The following CORO2A variants were observed in gnomAD, a reference collection of about 807,000 sequenced individuals.
CORO2A encodes the protein coronin 2A, also known as coronin-2A.
CORO2A carries 47 observed loss-of-function variants against 62.4 expected under a neutral mutation model. That is an observed-to-expected ratio of 0.75 (90% CI 0.60 to 0.96). CORO2A has a LOEUF of 0.96. Ranked by LOEUF, CORO2A falls within the 40% of genes least tolerant of loss-of-function variation. The pLI is 0.00. For synonymous variants in CORO2A, 273 were observed against 268.9 expected (o/e 1.02, Z -0.15); for missense variants, 610 against 684.1 (o/e 0.89, Z 1.21).
chr9:98,164,600 A>AT (rs142181678), intron 1 of CORO2A, among the ~76,000 whole-genome samples: 21,041 of 152,234 alleles, frequency 0.14, 1,742 homozygotes, highest in East Asian at 0.26. Flanking sequence ...TAAGGGTTTT[A>AT]TCACAACTGG....
chr9:98,124,972 T>G (rs918032415), intron 11 of CORO2A, 67 bp from the exon 12 acceptor site: 6 of 1,528,976 alleles, frequency 3.9e-6, no homozygotes, highest in Non-Finnish European at 5.3e-6. Flanking sequence ...GCTAAACCAC[T>G]ATCCCTCTTT....
chr9:98,128,843 G>T, intron 8 of CORO2A, 124 bp from the exon 9 acceptor site: 1 of 682,570 alleles, frequency 1.5e-6, no homozygotes, highest in Non-Finnish European at 2.7e-6. Flanking sequence ...ACAGCTCAGG[G>T]ACAAATACCG....
At chr9:98,178,054 A>T (rs965799977) in intron 1 of CORO2A, among the ~76,000 whole-genome samples, 6 of 151,996 alleles carry the variant, frequency 3.9e-5, no homozygotes, top group Admixed American at 1.3e-4. Flanking sequence ...TTTATTAAAA[A>T]CATTTTTTTA....
At chr9:98,157,794 T>C (rs1827827487) in intron 1 of CORO2A, 134 bp from the exon 2 acceptor site, 1 of 730,918 alleles carries the variant, frequency 1.4e-6, no homozygotes, top group Non-Finnish European at 2.3e-6. Flanking sequence ...GGTGATGCAC[T>C]GTGAAGGGCA....
chr9:98,169,418 GC>G (rs1828004068), intron 1 of CORO2A, among the ~76,000 whole-genome samples: 1 of 148,978 alleles, frequency 6.7e-6, no homozygotes, highest in South Asian at 2.1e-4. Context: ...CCCCAGCCCT[GC>G]CCCCACGGCC....
rs1464526799 is a variant in CORO2A at position 98,124,771 on chromosome 9, T to C, written c.*3A>G. On this transcript the variant is annotated 3_prime_UTR_variant, in exon 12 of 12. Transcript: ENST00000375077. ...TGAGGGTGAGGAGGGCAGAGGTCTC[T>C]GCTCAGAGCTGCTCTGAGCCCATCC... 1.3e-5 allele frequency: 21 copies of C among 1,606,558 alleles called. No individual in the cohort carries two copies. The highest frequency in any genetic ancestry group is 2.2e-5 in the East Asian group (1 of 44,760).
chr9:98,140,651 C>T (rs1827552879), intron 2 of CORO2A, among the ~76,000 whole-genome samples: 1 of 152,130 alleles, frequency 6.6e-6, no homozygotes, highest in Admixed American at 6.6e-5. Context: ...TGCTATGTTG[C>T]CCAGGCTGGT....
At chr9:98,180,249 T>C (rs1828161053) in intron 1 of CORO2A, among the ~76,000 whole-genome samples, 1 of 152,022 alleles carries the variant, frequency 6.6e-6, no homozygotes, top group Non-Finnish European at 1.5e-5. Context: ...CCTAGTAAGT[T>C]TTCTCCTCTC....
intron 3 of CORO2A, among the ~76,000 whole-genome samples, chr9:98,136,312 C>A (rs1464304599): frequency 3.3e-5 from 5 of 152,244 alleles, no homozygotes; most frequent in Admixed American, 6.5e-5. Flanking sequence ...GGTGAAATCA[C>A]CTCGGCAGAC....
chr9:98,160,960 T>C (rs1827877197), intron 1 of CORO2A, among the ~76,000 whole-genome samples: 1 of 152,160 alleles, frequency 6.6e-6, no homozygotes, highest in African/African-American at 2.4e-5. Flanking sequence ...GAAGGGTGCA[T>C]GTTTCAGATG....
In CORO2A at chr9:98,156,049, A is replaced by ATTTTTTT. The variant is rs56931336; in HGVS notation, c.201+1404_201+1410dup. Among the ~76,000 whole-genome samples, 20 of 119,052 alleles carry ATTTTTTT rather than the reference A, an allele frequency of 1.7e-4. No individual in the cohort carries two copies. The East Asian group carries it at 1.9e-3, about 12-fold the overall frequency. The allele number at this position is 119,052 out of a possible 152,430, so 78.1% of individuals were successfully genotyped here. A position where few individuals can be genotyped will look rare whatever the true frequency, so the allele number is the denominator to read the frequency against. On this transcript the variant is annotated intron_variant, in intron 2 of 11. Coordinates refer to ENST00000375077, the MANE Select transcript of CORO2A (RefSeq NM_052820.4). ...GTTTATTCTGCTGCTCTTTGTTTGAATTTTTTTTTTTTTTTTTTTGAGACA... is the reference window on the plus strand; with the variant it reads ...GTTTATTCTGCTGCTCTTTGTTTGAATTTTTTTTTTTTTTTTTTTTTTTTTTGAGACA...
chr9:98,157,728 CATCTT>C (rs1039862064), intron 1 of CORO2A, 68 bp from the exon 2 acceptor site: 2 of 1,447,666 alleles, frequency 1.4e-6, no homozygotes, highest in African/African-American at 2.8e-5. Context: ...ACAGAGCTCT[CATCTT>C]AAGAGTACAT....
chr9:98,148,205 G>C (rs1232743357), intron 2 of CORO2A, among the ~76,000 whole-genome samples: 2 of 151,544 alleles, frequency 1.3e-5, no homozygotes, highest in African/African-American at 2.4e-5. Context: ...GACCAGCCTG[G>C]CCAACATAGC....
intron 1 of CORO2A, among the ~76,000 whole-genome samples, chr9:98,177,725 A>C (rs1828126797): frequency 6.7e-6 from 1 of 149,730 alleles, no homozygotes. Flanking sequence ...AACTTTTTTG[A>C]TCATTCACTC....
intron 2 of CORO2A, among the ~76,000 whole-genome samples, chr9:98,151,350 A>G (rs1827721764): frequency 6.6e-6 from 1 of 152,184 alleles, no homozygotes. Flanking sequence ...ATTTCCATCT[A>G]TTGAGGTCAT....
intron 2 of CORO2A, 137 bp from the exon 3 acceptor site, chr9:98,137,825 T>C (rs1025562503): frequency 1.4e-6 from 1 of 690,582 alleles, no homozygotes; most frequent in Admixed American, 2.2e-5. Context: ...GCCTTACTTC[T>C]TATTCCCTGT....
At chr9:98,177,880 T>G (rs1055160410) in intron 1 of CORO2A, among the ~76,000 whole-genome samples, 1 of 152,164 alleles carries the variant, frequency 6.6e-6, no homozygotes. Flanking sequence ...AATATCTATT[T>G]CAAAGTGTCC....
chr9:98,157,732 T>G (rs1181640774), intron 1 of CORO2A, 72 bp from the exon 2 acceptor site: 1 of 1,418,304 alleles, frequency 7.1e-7, no homozygotes, highest in African/African-American at 1.4e-5. Flanking sequence ...AGCTCTCATC[T>G]TAAGAGTACA....
At chr9:98,161,652 T>C (rs879632131) in intron 1 of CORO2A, among the ~76,000 whole-genome samples, 1 of 152,102 alleles carries the variant, frequency 6.6e-6, no homozygotes, top group Non-Finnish European at 1.5e-5. Context: ...GAGGAAAGGA[T>C]AGAGCAGGTA....
Sources: allele counts gnomAD v4.1 joint callset (sites outside exome capture counted in the v4.1 genomes callset), GRCh38; gene constraint gnomAD v4.1.1; transcripts MANE v1.5; gene names NCBI Gene and HGNC (gene_info 2026-07-23, HGNC 2026-07-21).